ST6GALNAC3: variants seen among roughly 807,000 people sequenced by gnomAD.
ST6GALNAC3 encodes alpha-N-acetylgalactosaminide alpha-2,6-sialyltransferase 3.
In ST6GALNAC3, 25 loss-of-function variants were observed where a neutral mutation model predicts 32.7. The ratio of observed to expected loss-of-function variants is 0.76; its 90% CI spans 0.56 to 1.07. ST6GALNAC3 has a LOEUF of 1.07. ST6GALNAC3 is among the 50% of genes least tolerant of loss of function. The pLI, the probability that ST6GALNAC3 is intolerant of heterozygous loss-of-function variation, is 0.00. For missense variants in ST6GALNAC3, 355 were observed against 382.4 expected (o/e 0.93, Z 0.60); for synonymous variants, 129 against 133.1 (o/e 0.97, Z 0.21).
intron 1 of ST6GALNAC3, among the ~76,000 whole-genome samples, chr1:76,253,771 C>T (rs1045502502): frequency 6.6e-6 from 1 of 152,144 alleles, no homozygotes; most frequent in African/African-American, 2.4e-5. Flanking sequence ...GCACAGGTGG[C>T]CCTCTTTGCA....
chr1:76,377,252 C>A (rs1412973709), intron 2 of ST6GALNAC3, among the ~76,000 whole-genome samples: 1 of 152,128 alleles, frequency 6.6e-6, no homozygotes, highest in African/African-American at 2.4e-5. Flanking sequence ...ACATTAGAAG[C>A]CTGGAGCAGA....
chr1:76,389,205 T>C (rs1224836355), intron 2 of ST6GALNAC3, among the ~76,000 whole-genome samples: 1 of 151,998 alleles, frequency 6.6e-6, no homozygotes, highest in Admixed American at 6.6e-5. Context: ...TGAAAAGGTA[T>C]CTGCAAAATG....
At chr1:76,201,790 G>A (rs1457988667) in intron 1 of ST6GALNAC3, among the ~76,000 whole-genome samples, 1 of 152,126 alleles carries the variant, frequency 6.6e-6, no homozygotes, top group Non-Finnish European at 1.5e-5. Context: ...AAGTGCCTTT[G>A]GGTGGGATCA....
chr1:76,455,779 G>C (rs1036040582), intron 3 of ST6GALNAC3, among the ~76,000 whole-genome samples: 4 of 152,010 alleles, frequency 2.6e-5, no homozygotes, highest in South Asian at 2.1e-4. Flanking sequence ...AGATATCCTG[G>C]ACTCTTAGTC....
intron 3 of ST6GALNAC3, among the ~76,000 whole-genome samples, chr1:76,618,636 C>T (rs548530707): frequency 9.9e-5 from 15 of 152,224 alleles, no homozygotes; most frequent in East Asian, 9.7e-4. Context: ...CTCTGCTAAG[C>T]TTAGCTGGCC....
intron 2 of ST6GALNAC3, among the ~76,000 whole-genome samples, chr1:76,383,722 C>A (rs1284221519): frequency 1.3e-5 from 2 of 152,112 alleles, no homozygotes; most frequent in Non-Finnish European, 2.9e-5. Context: ...GTAATAATGT[C>A]TAGTAAGATT....
intron 2 of ST6GALNAC3, among the ~76,000 whole-genome samples, chr1:76,398,555 T>C (rs1653161785): frequency 6.6e-6 from 1 of 152,188 alleles, no homozygotes; most frequent in Non-Finnish European, 1.5e-5. Context: ...TTGCTGAATA[T>C]AATGTTTTTT....
chr1:76,630,389 A>G lies in ST6GALNAC3; in HGVS notation c.*1583A>G, dbSNP rs1557642289. The G allele has an allele frequency of 4.1e-6, 4 of 985,114 alleles. No individual in the cohort carries two copies. The highest frequency in any genetic ancestry group is 4.8e-6 in the Non-Finnish European group (4 of 829,852). 61.0% of individuals were successfully genotyped at this position (985,114 alleles called of 1,614,324 possible). On this transcript the variant is annotated 3_prime_UTR_variant, in exon 5 of 5. Transcript: ENST00000328299. ...TGAAAAAGCAGGGACAACAGGAGGA[A>G]ATGAAGGCAGAGAAATATAGTTTCC...
intron 3 of ST6GALNAC3, among the ~76,000 whole-genome samples, chr1:76,452,631 C>T (rs1657492008): frequency 6.6e-6 from 1 of 152,228 alleles, no homozygotes; most frequent in South Asian, 2.1e-4. Flanking sequence ...ATGGAACCCA[C>T]TTGATCATGG....
chr1:76,405,043 G>A (rs548137723), intron 2 of ST6GALNAC3, among the ~76,000 whole-genome samples: 1 of 152,100 alleles, frequency 6.6e-6, no homozygotes, highest in Non-Finnish European at 1.5e-5. Flanking sequence ...TGGGGCTAAA[G>A]TAGAAAGATA....
At chr1:76,395,335 T>G (rs1652866311) in intron 2 of ST6GALNAC3, among the ~76,000 whole-genome samples, 1 of 152,148 alleles carries the variant, frequency 6.6e-6, no homozygotes, top group South Asian at 2.1e-4. Context: ...TCTTATACAC[T>G]GTTGGTAGAA....
In ST6GALNAC3 at chr1:76,156,824, C is replaced by G. The variant is rs543605826; in HGVS notation, c.18+81940C>G. Among the ~76,000 whole-genome samples, 33 of 152,302 alleles carry G rather than the reference C, an allele frequency of 2.2e-4. 1 individual carries two copies. In the South Asian group the frequency reaches 6.8e-3, roughly 32 times the overall value. The stretch of plus-strand genomic sequence containing the variant: ...TTGGCTCACTGCAAGCTCCGCCTCC[C>G]GGGTTCACGCCATTCTCCTGCCTCA... On this transcript the variant is annotated intron_variant, in intron 1 of 4. Coordinates refer to ENST00000328299, the MANE Select transcript of ST6GALNAC3 (RefSeq NM_152996.4).
At chr1:76,404,949 A>G (rs1653712208) in intron 2 of ST6GALNAC3, among the ~76,000 whole-genome samples, 1 of 152,118 alleles carries the variant, frequency 6.6e-6, no homozygotes, top group Non-Finnish European at 1.5e-5. Flanking sequence ...ATTTAGAAAT[A>G]CTCATTGAAG....
chr1:76,451,915 C>G (rs755264072), intron 3 of ST6GALNAC3, among the ~76,000 whole-genome samples: 22 of 152,262 alleles, frequency 1.4e-4, no homozygotes, highest in Admixed American at 2.6e-4. Flanking sequence ...TTAATTCTTT[C>G]TCTTATCTGA....
At chr1:76,432,511 G>A (rs189595921) in intron 3 of ST6GALNAC3, among the ~76,000 whole-genome samples, 1 of 132,602 alleles carries the variant, frequency 7.5e-6, no homozygotes, top group African/African-American at 2.9e-5. Context: ...CTGGAATGCA[G>A]TGGCACAAAC....
At chr1:76,100,218 GTGT>G (rs1298688194) in intron 1 of ST6GALNAC3, among the ~76,000 whole-genome samples, 1 of 151,858 alleles carries the variant, frequency 6.6e-6, no homozygotes, top group African/African-American at 2.4e-5. Context: ...TTTTCTAGTT[GTGT>G]TATCTTTTAT....
At chr1:76,603,304 T>G (rs1473514452) in intron 3 of ST6GALNAC3, among the ~76,000 whole-genome samples, 1 of 152,220 alleles carries the variant, frequency 6.6e-6, no homozygotes, top group Admixed American at 6.5e-5. Context: ...AAAGGAAAAC[T>G]GGAATCATCT....
rs1647178904 is a variant in ST6GALNAC3, at chr1:76,331,068, A to C, written c.213+17069A>C. On this transcript the variant is annotated intron_variant, in intron 2 of 4. Coordinates refer to ENST00000328299, the MANE Select transcript of ST6GALNAC3 (RefSeq NM_152996.4). ...AAAAATGAATACTGGGTACCAGTAG[A>C]CAATATCTAGCATACTCGTGATAAT... 2.0e-5 allele frequency among the ~76,000 whole-genome samples: 3 copies of C among 152,170 alleles called. No homozygotes were observed. In the South Asian group the frequency reaches 6.2e-4, roughly 32 times the overall value.
At chr1:76,623,678 T>C (rs192694769) in intron 3 of ST6GALNAC3, among the ~76,000 whole-genome samples, 23 of 152,120 alleles carry the variant, frequency 1.5e-4, no homozygotes, top group Non-Finnish European at 3.4e-4. Context: ...TATCACTAAG[T>C]CTTTCCAAGC....
Sources: gnomAD v4.1 joint callset for allele counts (sites outside exome capture counted in the v4.1 genomes callset) on GRCh38, gnomAD v4.1.1 for gene constraint, MANE v1.5 for transcripts, NCBI Gene and HGNC (gene_info 2026-07-23, HGNC 2026-07-21) for gene names.